The following SLC22A3 variants were observed in gnomAD, a reference collection of about 807,000 sequenced individuals.
SLC22A3 encodes solute carrier family 22 member 3.
Under a neutral mutation model 59.1 loss-of-function variants are expected in SLC22A3, and 51 were observed. That is an observed-to-expected ratio of 0.86 (90% CI 0.69 to 1.09). The LOEUF (loss-of-function observed/expected upper bound fraction) is 1.09, where lower values mean the gene tolerates loss of function less well. SLC22A3 is among the 50% of genes least tolerant of loss of function. SLC22A3 has a pLI of 0.00. For synonymous variants in SLC22A3, 325 were observed against 292.0 expected (o/e 1.11, Z -1.15); for missense variants, 711 against 726.3 (o/e 0.98, Z 0.24).
intron 2 of SLC22A3, among the ~76,000 whole-genome samples, chr6:160,406,320 A>G (rs939966419): frequency 2.6e-5 from 4 of 152,214 alleles, no homozygotes; most frequent in African/African-American, 9.6e-5. Context: ...CTCTTAATGG[A>G]CATTGATAGC....
At chr6:160,440,665 G>A (rs575170586) in intron 7 of SLC22A3, among the ~76,000 whole-genome samples, 1 of 152,238 alleles carries the variant, frequency 6.6e-6, no homozygotes, top group East Asian at 1.9e-4. Context: ...GAATTTCTTT[G>A]TGTGTATATA....
At chr6:160,381,012 C>G (rs924033402) in intron 1 of SLC22A3, among the ~76,000 whole-genome samples, 1 of 151,930 alleles carries the variant, frequency 6.6e-6, no homozygotes, top group Middle Eastern at 3.2e-3. Flanking sequence ...CCAGTGCAGC[C>G]GAGAAGGTGA....
At chr6:160,349,266 T>A (rs912375686) in intron 1 of SLC22A3, among the ~76,000 whole-genome samples, 2 of 152,140 alleles carry the variant, frequency 1.3e-5, no homozygotes, top group Non-Finnish European at 2.9e-5. Context: ...ACGTTGGCAG[T>A]TCCGGATTCG....
rs544997750 is a variant in SLC22A3 at position 160,350,207 on chromosome 6, A to G, written c.429+1359A>G. 1.6e-4 allele frequency among the ~76,000 whole-genome samples: 24 copies of G among 152,056 alleles called. No individual in the cohort carries two copies. The South Asian group carries it at 4.2e-3, about 26-fold the overall frequency. ...TGGATGGCTCTATGCTAAGTGCTCC[A>G]GGGATAAAACCCCCTGGCAGGACAG... On this transcript the variant is annotated intron_variant, in intron 1 of 10. Coordinates refer to ENST00000275300, the MANE Select transcript of SLC22A3 (RefSeq NM_021977.4).
intron 5 of SLC22A3, among the ~76,000 whole-genome samples, chr6:160,417,094 A>C (rs1787527008): frequency 6.6e-6 from 1 of 152,228 alleles, no homozygotes; most frequent in African/African-American, 2.4e-5. Flanking sequence ...ACCCATTGCC[A>C]GATGATTGAC....
intron 2 of SLC22A3, among the ~76,000 whole-genome samples, chr6:160,398,316 C>A (rs1786609291): frequency 6.6e-6 from 1 of 152,176 alleles, no homozygotes; most frequent in African/African-American, 2.4e-5. Flanking sequence ...CCCGGTAGGA[C>A]TGAGAGCATC....
intron 1 of SLC22A3, among the ~76,000 whole-genome samples, chr6:160,390,097 T>A (rs961640482): frequency 2.0e-5 from 3 of 152,226 alleles, no homozygotes; most frequent in African/African-American, 7.2e-5. Flanking sequence ...TATACTTTTT[T>A]AAACAGACTC....
rs1037604356 is a variant in SLC22A3, at chr6:160,391,075, G to A, written c.430-6904G>A. On this transcript the variant is annotated intron_variant, in intron 1 of 10. Transcript: ENST00000275300. The stretch of plus-strand genomic sequence containing the variant: ...CTTCTTCAAAGGATACCTGTCATTG[G>A]ACTAGGGCCCGCTCTGATACAGCAT... Among the ~76,000 whole-genome samples, 8 of 152,086 alleles carry A rather than the reference G, an allele frequency of 5.3e-5. No homozygotes were observed. In the East Asian group the frequency reaches 7.7e-4, roughly 15 times the overall value.
intron 1 of SLC22A3, among the ~76,000 whole-genome samples, chr6:160,351,601 C>T (rs1282354970): frequency 6.6e-6 from 1 of 152,182 alleles, no homozygotes; most frequent in Non-Finnish European, 1.5e-5. Context: ...CAAATTCTGT[C>T]TGATGAAAGG....
chr6:160,360,771 G>T (rs390102), intron 1 of SLC22A3, among the ~76,000 whole-genome samples: 1 of 151,672 alleles, frequency 6.6e-6, no homozygotes, highest in African/African-American at 2.4e-5. Flanking sequence ...ACTCCCCCCC[G>T]CCCCAACCAA....
At chr6:160,435,650 G>A (rs538153950) in intron 5 of SLC22A3, among the ~76,000 whole-genome samples, 1 of 152,162 alleles carries the variant, frequency 6.6e-6, no homozygotes. Flanking sequence ...GTGATTACTG[G>A]TAGAGAGACT....
chr6:160,351,664 C>G (rs575988210), intron 1 of SLC22A3, among the ~76,000 whole-genome samples: 1 of 152,284 alleles, frequency 6.6e-6, no homozygotes, highest in African/African-American at 2.4e-5. Context: ...TTTTTATAAA[C>G]TTGAAGCCTA....
At chr6:160,373,439 G>T (rs545457327) in intron 1 of SLC22A3, among the ~76,000 whole-genome samples, 6 of 152,296 alleles carry the variant, frequency 3.9e-5, no homozygotes, top group Admixed American at 3.9e-4. Context: ...TGAGGTGTTT[G>T]TCAACCCTTG....
At chr6:160,375,451 C>G (rs942496691) in intron 1 of SLC22A3, among the ~76,000 whole-genome samples, 2 of 151,844 alleles carry the variant, frequency 1.3e-5, no homozygotes, top group Non-Finnish European at 2.9e-5. Context: ...CTAGCCCCCC[C>G]ACCACCCTCC....
chr6:160,440,584 G>C (rs187876012), intron 7 of SLC22A3, among the ~76,000 whole-genome samples: 115 of 152,200 alleles, frequency 7.6e-4, no homozygotes, highest in African/African-American at 2.5e-3. Context: ...ATTGCCCTGT[G>C]GTTTTTGTCA....
At chr6:160,368,895 C>G (rs982317508) in intron 1 of SLC22A3, among the ~76,000 whole-genome samples, 4 of 152,210 alleles carry the variant, frequency 2.6e-5, no homozygotes, top group African/African-American at 4.8e-5. Flanking sequence ...CTTGCATATT[C>G]TGTCCAAGCT....
rs1360601460 is a variant in SLC22A3, at chr6:160,408,860, A to T, written c.796A>T (p.Asn266Tyr). 4 of 1,613,824 alleles carry T rather than the reference A, an allele frequency of 2.5e-6. No individual in the cohort carries two copies. Among genetic ancestry groups the T allele is most frequent in the Non-Finnish European group, 3.4e-6 (4 of 1,179,860 alleles). Reference sequence around the variant, plus strand: ...CCCTGGAATTGCCTACTTCATCCCCAACTGGCAAGGAATCCAGTTAGCCAT... The same window carrying T: ...CCCTGGAATTGCCTACTTCATCCCCTACTGGCAAGGAATCCAGTTAGCCAT... ...ILPGIAYFIPNWQGIQLAITL... is the reference protein window; with the variant it reads ...ILPGIAYFIPYWQGIQLAITL... Residue 266 changes from asparagine to tyrosine, a missense_variant, in exon 4 of 11, where the codon AAC becomes TAC. Transcript: ENST00000275300.
chr6:160,351,069 C>T (rs1784643485), intron 1 of SLC22A3, among the ~76,000 whole-genome samples: 1 of 152,066 alleles, frequency 6.6e-6, no homozygotes, highest in Non-Finnish European at 1.5e-5. Flanking sequence ...CCCGTAAAGC[C>T]CCAAAAAAGT....
chr6:160,411,487 C>T (rs1787246620), intron 5 of SLC22A3, among the ~76,000 whole-genome samples: 1 of 152,260 alleles, frequency 6.6e-6, no homozygotes, highest in Non-Finnish European at 1.5e-5. Context: ...CCTATAATCC[C>T]AGTGCTTTGG....
Sources: allele counts gnomAD v4.1 joint callset (sites outside exome capture counted in the v4.1 genomes callset), GRCh38; gene constraint gnomAD v4.1.1; transcripts MANE v1.5; gene names NCBI Gene and HGNC (gene_info 2026-07-23, HGNC 2026-07-21).